The following ZNF98 variants were observed in gnomAD, a reference collection of about 807,000 sequenced individuals.
ZNF98 encodes zinc finger protein 98, also known as zinc finger protein 739.
In ZNF98, 8 loss-of-function variants were observed where a neutral mutation model predicts 12.8. That is an observed-to-expected ratio of 0.63 (90% CI 0.37 to 1.13). The LOEUF is 1.13. Ranked by LOEUF, ZNF98 falls within the 50% of genes most tolerant of loss-of-function variation. The pLI is 0.01. For synonymous variants in ZNF98, 112 were observed against 223.5 expected, an observed-to-expected ratio of 0.50 and a Z score of 4.45; for missense variants, 379 against 666.1, an observed-to-expected ratio of 0.57 and a Z score of 4.74.
At chr19:22,413,870 A>C (rs2145120848) in intron 1 of ZNF98, among the ~76,000 whole-genome samples, 1 of 47,518 alleles carries the variant, frequency 2.1e-5, no homozygotes, top group South Asian at 4.1e-4. Context: ...ACTCCGTCTC[A>C]AAAAAAAAAA....
chr19:22,412,690 T>C (rs568733187), intron 1 of ZNF98, among the ~76,000 whole-genome samples: 2 of 151,416 alleles, frequency 1.3e-5, no homozygotes, highest in South Asian at 4.2e-4. Flanking sequence ...CAAACCAAAT[T>C]GGGCAGGACA....
intron 1 of ZNF98, 59 bp downstream of exon 1, chr19:22,422,136 C>T (rs2145126164): frequency 1.2e-6 from 2 of 1,607,644 alleles, no homozygotes; most frequent in Non-Finnish European, 1.7e-6. Flanking sequence ...ACAGCCTCTT[C>T]CCACCGGTTC....
intron 3 of ZNF98, among the ~76,000 whole-genome samples, chr19:22,396,948 G>A (rs1224862282): frequency 2.0e-5 from 3 of 151,910 alleles, no homozygotes; most frequent in East Asian, 3.9e-4. Context: ...TGGTGAAACC[G>A]ACTCTACTAA....
chr19:22,405,101 A>G (rs1399467250), intron 1 of ZNF98, among the ~76,000 whole-genome samples: 2 of 152,112 alleles, frequency 1.3e-5, no homozygotes, highest in East Asian at 3.9e-4. Flanking sequence ...TCTGGTATAT[A>G]GGAAAGAAAT....
In ZNF98 at chr19:22,396,739, G is replaced by A. The variant is rs549403267; in HGVS notation, c.254-3758C>T. ...GCAGAAGAAATCAAGATAGTATTAT[G>A]CAAGCTACATCTTAAGTCAAAAACT... On this transcript the variant is annotated intron_variant, in intron 3 of 3. Coordinates refer to ENST00000357774, the MANE Select transcript of ZNF98 (RefSeq NM_001098626.2). Among the ~76,000 whole-genome samples, 38 of 152,240 alleles carry A rather than the reference G, an allele frequency of 2.5e-4. No individual in the cohort carries two copies. In the South Asian group the frequency reaches 6.4e-3, roughly 26 times the overall value.
chr19:22,399,637 C>T (rs572717739), intron 3 of ZNF98, among the ~76,000 whole-genome samples: 4 of 152,018 alleles, frequency 2.6e-5, no homozygotes, highest in African/African-American at 9.7e-5. Flanking sequence ...TCTAATTCAC[C>T]TCAGACATAA....
At chr19:22,407,050 G>A (rs1969527548) in intron 1 of ZNF98, among the ~76,000 whole-genome samples, 1 of 151,568 alleles carries the variant, frequency 6.6e-6, no homozygotes, top group Non-Finnish European at 1.5e-5. Flanking sequence ...GTTAGAGAGA[G>A]GAGCTGCTAA....
At chr19:22,414,692 T>C (rs957930633) in intron 1 of ZNF98, among the ~76,000 whole-genome samples, 26 of 152,130 alleles carry the variant, frequency 1.7e-4, no homozygotes, top group Non-Finnish European at 3.7e-4. Flanking sequence ...ATGTAGAAGA[T>C]TGAAACTGAA....
At position 22,392,941 on chromosome 19, in the gene ZNF98, C is replaced by A; in HGVS notation, c.294G>T (p.Gln98His). Residue 98 changes from glutamine (Q) to histidine (H), a missense_variant, in exon 4 of 4, where the codon CAG (glutamine) becomes CAT (histidine). This residue lies in a region of ZNF98 where 223 missense variants were observed against 261.6 expected (regional missense o/e 0.85). Transcript: ENST00000357774. Reference sequence around the variant, plus strand: ...CTTTTTGGAAATAATTTTTTTTGCCCTGCTTTGGCCAAAGGTCTTGGGCAA... The same window carrying A: ...CTTTTTGGAAATAATTTTTTTTGCCATGCTTTGGCCAAAGGTCTTGGGCAA... ...SYFAQDLWPK[Q>H]GKKNYFQKVI... 6.4e-7 allele frequency: 1 copy of A among 1,567,152 alleles called. No individual in the cohort carries two copies. The highest frequency in any genetic ancestry group is 8.6e-7 in the Non-Finnish European group (1 of 1,161,404).
chr19:22,414,232 C>CAAAAAAAAA (rs57966582), intron 1 of ZNF98, among the ~76,000 whole-genome samples: 73 of 89,332 alleles, frequency 8.2e-4, no homozygotes, highest in African/African-American at 1.2e-3. Flanking sequence ...GACTCCATCT[C>CAAAAAAAAA]AAAAAAAAAA....
Position 22,392,903 on chromosome 19 carries a change from G to C in ZNF98, c.332C>G (p.Thr111Arg), listed in dbSNP as rs755433396. 1.2e-5 allele frequency: 20 copies of C among 1,601,780 alleles called. 1 individual carries two copies. In the East Asian group the frequency reaches 1.8e-4, roughly 14 times the overall value. The change falls in exon 4 of 4, where the codon ACA (threonine) becomes AGA (arginine). Residue 111 changes from threonine to arginine, a missense_variant. Physicochemically the swap from Thr to Arg is moderately conservative, Grantham distance 71. This residue lies in a region of ZNF98 where 223 missense variants were observed against 261.6 expected (regional missense o/e 0.85). Coordinates refer to ENST00000357774, the MANE Select transcript of ZNF98 (RefSeq NM_001098626.2). Reference sequence around the variant, plus strand: ...ATTTTCACGTCCACATTTTTTATATGTTCTCAGTATCACTTTTTGGAAATA... The same window carrying C: ...ATTTTCACGTCCACATTTTTTATATCTTCTCAGTATCACTTTTTGGAAATA... ...KNYFQKVILR[T>R]YKKCGRENLQ... is the part of the protein sequence containing the mutation.
At chr19:22,411,990 C>A (rs1457950659) in intron 1 of ZNF98, among the ~76,000 whole-genome samples, 1 of 152,182 alleles carries the variant, frequency 6.6e-6, no homozygotes, top group African/African-American at 2.4e-5. Flanking sequence ...GACTACAACA[C>A]CCATGGGCAC....
chr19:22,395,185 A>G (rs1298392405), intron 3 of ZNF98, among the ~76,000 whole-genome samples: 2 of 151,200 alleles, frequency 1.3e-5, no homozygotes, highest in African/African-American at 4.8e-5. Context: ...AAAGAAAAAA[A>G]AAAAAAAAAA....
chr19:22,412,920 G>A (rs1324384413), intron 1 of ZNF98, among the ~76,000 whole-genome samples: 1 of 151,964 alleles, frequency 6.6e-6, no homozygotes, highest in African/African-American at 2.4e-5. Context: ...AGGCGTGGTG[G>A]CGGGTGCCTG....
rs143113134 is a variant in ZNF98 at position 22,422,208 on chromosome 19, C to T, written c.17G>A (p.Gly6Glu). The change falls in exon 1 of 4, where the codon GGA becomes GAA. Residue 6 changes from glycine (G) to glutamate (E), a missense_variant. Around this residue, in one of 8 missense-constraint regions of ZNF98, gnomAD observed 223 missense variants for 261.6 expected, o/e 0.85. Coordinates refer to ENST00000357774, the MANE Select transcript of ZNF98 (RefSeq NM_001098626.2). ...CGGCACTCTCACCATTTCTAGGCTT[C>T]CAAGGGGTCCTGGCATCTTAGCTGT... MPGPLGSLEMGVLTFR... is the reference protein window; with the variant it reads MPGPLESLEMGVLTFR... 6.2e-7 allele frequency: 1 copy of T among 1,613,006 alleles called. No homozygotes were observed. Among genetic ancestry groups the T allele is most frequent in the East Asian group, 2.2e-5 (1 of 44,820 alleles).
At chr19:22,410,267 T>G (rs1264799779) in intron 1 of ZNF98, among the ~76,000 whole-genome samples, 1 of 152,148 alleles carries the variant, frequency 6.6e-6, no homozygotes, top group Non-Finnish European at 1.5e-5. Context: ...CTCAAAGAAA[T>G]ATAAATCATT....
intron 1 of ZNF98, 145 bp from the exon 2 acceptor site, chr19:22,403,657 A>C (rs561998893): frequency 2.3e-6 from 2 of 872,926 alleles, no homozygotes; most frequent in South Asian, 4.4e-5. Context: ...CTTTCAGCAC[A>C]GAAGTATTCT....
intron 1 of ZNF98, among the ~76,000 whole-genome samples, chr19:22,413,758 A>G (rs1014269573): frequency 5.9e-5 from 9 of 151,428 alleles, no homozygotes; most frequent in Non-Finnish European, 1.2e-4. Flanking sequence ...AATCTCAGCT[A>G]CTCAGGAGGC....
At chr19:22,396,033 G>T (rs1462104712) in intron 3 of ZNF98, among the ~76,000 whole-genome samples, 1 of 131,032 alleles carries the variant, frequency 7.6e-6, no homozygotes, top group African/African-American at 2.9e-5. Context: ...TTCTTAAACT[G>T]AAAGTAAAAG....
Sources: allele counts gnomAD v4.1 joint callset (sites outside exome capture counted in the v4.1 genomes callset), GRCh38; gene constraint gnomAD v4.1.1; regional missense constraint gnomAD v4.1.1; transcripts MANE v1.5; gene names NCBI Gene and HGNC (gene_info 2026-07-23, HGNC 2026-07-21).